Variants in SIN3A observed in about 807,000 individuals in gnomAD.
SIN3A encodes the protein SIN3 transcription regulator family member A.
A neutral mutation model predicts 146.1 loss-of-function variants in SIN3A; 14 were observed. The observed-to-expected ratio is 0.10, with a 90% CI of 0.06 to 0.15. The LOEUF (loss-of-function observed/expected upper bound fraction) is 0.15, where lower values mean the gene tolerates loss of function less well. SIN3A is among the 10% of genes least tolerant of loss of function. The probability of loss-of-function intolerance (pLI) is 1.00; values close to 1 mark genes in which losing one functional copy is unlikely to be tolerated. For missense variants in SIN3A, 1,028 were observed against 1,576.0 expected (o/e 0.65, Z 5.89); for synonymous variants, 572 against 572.0 (o/e 1.00, Z 0.00).
intron 1 of SIN3A, among the ~76,000 whole-genome samples, chr15:75,438,262 A>C: frequency 6.6e-6 from 1 of 152,078 alleles, no homozygotes; most frequent in South Asian, 2.1e-4. Context: ...CTACTCAGGA[A>C]GCTGAGACAC....
rs138343325 is a variant in SIN3A at position 75,389,697 on chromosome 15, G to A, written c.2976C>T (p.Tyr992=). The change falls in exon 16 of 21, where the codon TAC becomes TAT. Residue 992 remains tyrosine (Y), a synonymous_variant. Coordinates refer to ENST00000394947, the MANE Select transcript of SIN3A (RefSeq NM_001145358.2). ...TCAGTTTGTCCATGGTAAAGGCAATGTAGGCATGAATGGTGAACATCTCTC... is the reference window on the plus strand; with the variant it reads ...TCAGTTTGTCCATGGTAAAGGCAATATAGGCATGAATGGTGAACATCTCTC... ...SLREMFTIHA[Y]IAFTMDKLIQ... is the part of the protein sequence containing the mutation. The A allele has an allele frequency of 1.2e-6, 2 of 1,614,040 alleles. No homozygotes were observed. The highest frequency in any genetic ancestry group is 2.7e-5 in the African/African-American group (2 of 74,914).
intron 17 of SIN3A, among the ~76,000 whole-genome samples, chr15:75,383,289 A>T (rs1381664719): frequency 1.3e-4 from 19 of 151,600 alleles, no homozygotes; most frequent in Admixed American, 1.3e-3. Context: ...AAAAAAAAAA[A>T]GTTAAAGACC....
chr15:75,424,952 G>A (rs1000512323), intron 2 of SIN3A, among the ~76,000 whole-genome samples: 1 of 152,062 alleles, frequency 6.6e-6, no homozygotes, highest in Non-Finnish European at 1.5e-5. Flanking sequence ...TGAAAAAAAA[G>A]TTCATAATCC....
intron 10 of SIN3A, 83 bp downstream of exon 10, chr15:75,401,769 T>G: frequency 2.4e-6 from 2 of 843,484 alleles, no homozygotes; most frequent in Non-Finnish European, 3.9e-6. Context: ...GTAAATTAAC[T>G]TTGCCTATCA....
At chr15:75,377,523 G>A (rs1276026485) in intron 19 of SIN3A, among the ~76,000 whole-genome samples, 1 of 151,868 alleles carries the variant, frequency 6.6e-6, no homozygotes, top group Non-Finnish European at 1.5e-5. Flanking sequence ...TATTCGGGAG[G>A]GTGAGACAGG....
At chr15:75,425,024 C>A (rs760158019) in intron 2 of SIN3A, among the ~76,000 whole-genome samples, 1 of 152,144 alleles carries the variant, frequency 6.6e-6, no homozygotes, top group Admixed American at 6.6e-5. Context: ...AAGCACATTA[C>A]ACTGGCTGAC....
chr15:75,436,389 T>G (rs1245465615), intron 1 of SIN3A: 1 of 152,114 alleles, frequency 6.6e-6, no homozygotes, highest in Admixed American at 6.6e-5. Context: ...GAGGATCATG[T>G]GAGTCCAGGA....
chr15:75,400,683 GA>G lies in SIN3A; in HGVS notation c.1737+46del, dbSNP rs769107219. On this transcript the variant is annotated intron_variant, in intron 11 of 20. Coordinates refer to ENST00000394947, the MANE Select transcript of SIN3A (RefSeq NM_001145358.2). ...TCCTTGGTACCACCACTCCCTTCTGGAAAAAGCTGAGGACCCAGGGCTGATC... is the reference window on the plus strand; with the variant it reads ...TCCTTGGTACCACCACTCCCTTCTGGAAAAGCTGAGGACCCAGGGCTGATC... 4.8e-6 allele frequency: 7 copies of G among 1,446,180 alleles called. No individual in the cohort carries two copies. In the African/African-American group the frequency reaches 8.4e-5, roughly 17 times the overall value. 89.6% of individuals were successfully genotyped at this position (1,446,180 alleles called of 1,614,324 possible). A position where few individuals can be genotyped will look rare whatever the true frequency, so the allele number is the denominator to read the frequency against.
At chr15:75,438,164 C>G (rs2074138369) in intron 1 of SIN3A, among the ~76,000 whole-genome samples, 1 of 151,958 alleles carries the variant, frequency 6.6e-6, no homozygotes, top group African/African-American at 2.4e-5. Flanking sequence ...AGTTCAAAAC[C>G]AGCCTGGCCA....
intron 1 of SIN3A, chr15:75,443,834 C>T (rs549138536): frequency 2.0e-5 from 3 of 152,290 alleles, no homozygotes; most frequent in African/African-American, 7.2e-5. Context: ...TCACTTGAGC[C>T]CAGAAGTTTG....
intron 2 of SIN3A, among the ~76,000 whole-genome samples, chr15:75,429,415 A>G (rs2073978190): frequency 6.6e-6 from 1 of 152,134 alleles, no homozygotes; most frequent in East Asian, 1.9e-4. Context: ...AGAGCAAGAC[A>G]CTATCTCCTA....
intron 3 of SIN3A, among the ~76,000 whole-genome samples, chr15:75,417,878 G>A (rs979159139): frequency 6.6e-6 from 1 of 152,094 alleles, no homozygotes; most frequent in African/African-American, 2.4e-5. Context: ...CTTATAAAAG[G>A]GCTGGAGTGA....
At chr15:75,454,039 G>A (rs889381688), upstream of SIN3A, 1 of 152,224 alleles carries the variant, frequency 6.6e-6, no homozygotes, top group African/African-American at 2.4e-5. Flanking sequence ...GGGGAGCAAG[G>A]GTGGACTTCC....
Position 75,424,030 on chromosome 15 carries a change from A to G in SIN3A, c.190-1207T>C, listed in dbSNP as rs536604377. Among the ~76,000 whole-genome samples, 4 of 152,254 alleles carry G rather than the reference A, an allele frequency of 2.6e-5. No individual in the cohort carries two copies. The East Asian group carries it at 7.7e-4, about 29-fold the overall frequency. ...AAAAAAAATTATATAGTTTATCTCA[A>G]ACTGTCTGTGGTAAAGGATGAGTTT... On this transcript the variant is annotated intron_variant, in intron 2 of 20. Coordinates refer to ENST00000394947, the MANE Select transcript of SIN3A (RefSeq NM_001145358.2).
intron 2 of SIN3A, among the ~76,000 whole-genome samples, chr15:75,426,714 G>C (rs552248233): frequency 3.3e-5 from 5 of 152,248 alleles, no homozygotes; most frequent in Admixed American, 3.3e-4. Flanking sequence ...CAGATCACTT[G>C]AGTCCAAGAG....
rs34167956 is a variant in SIN3A at position 75,396,516 on chromosome 15, AG to A, written c.1855-21del. On this transcript the variant is annotated intron_variant, in intron 12 of 20. Coordinates refer to ENST00000394947, the MANE Select transcript of SIN3A (RefSeq NM_001145358.2). ...ATCAAGCTGAAGAGGAAGACAAAGA[AG>A]GGTATGCTCAGGACCCAAATCAAAA... 6.4e-7 allele frequency: 1 copy of A among 1,565,782 alleles called. No individual in the cohort carries two copies. The highest frequency in any genetic ancestry group is 8.8e-7 in the Non-Finnish European group (1 of 1,138,338).
At chr15:75,451,728 G>C (rs1567443434), upstream of SIN3A, 2 of 142,198 alleles carry the variant, frequency 1.4e-5, no homozygotes, top group African/African-American at 2.5e-5. Flanking sequence ...ACCCCGCCCC[G>C]CAGAGGGAAG....
At chr15:75,451,974 G>A (rs143899174), upstream of SIN3A, among the ~76,000 whole-genome samples, 558 of 152,214 alleles carry the variant, frequency 3.7e-3, 3 homozygotes, top group Non-Finnish European at 5.7e-3. Flanking sequence ...AAGCAGGGAA[G>A]CTCTTCCTGT....
intron 1 of SIN3A, among the ~76,000 whole-genome samples, chr15:75,442,626 A>G (rs947980375): frequency 3.3e-5 from 5 of 150,922 alleles, no homozygotes; most frequent in Non-Finnish European, 7.4e-5. Flanking sequence ...TTAAAAAAAA[A>G]AAAAAAAAAA....
Sources: allele counts gnomAD v4.1 joint callset (sites outside exome capture counted in the v4.1 genomes callset), GRCh38; gene constraint gnomAD v4.1.1; transcripts MANE v1.5; gene names NCBI Gene and HGNC (gene_info 2026-07-23, HGNC 2026-07-21).